Variants in THEMIS observed in about 807,000 individuals in gnomAD.
THEMIS encodes the protein protein THEMIS.
THEMIS carries 37 observed loss-of-function variants against 52.6 expected under a neutral mutation model. The observed-to-expected ratio is 0.70, with a 90% confidence interval of 0.54 to 0.93. The LOEUF is 0.93. THEMIS is among the 40% of genes least tolerant of loss of function. THEMIS has a pLI of 0.00. For missense variants in THEMIS, 808 were observed against 763.1 expected (o/e 1.06, Z -0.69); for synonymous variants, 292 against 272.7 (o/e 1.07, Z -0.70).
intron 1 of THEMIS, among the ~76,000 whole-genome samples, chr6:127,870,355 C>A (rs986392882): frequency 9.2e-5 from 14 of 152,164 alleles, no homozygotes; most frequent in African/African-American, 3.1e-4. Flanking sequence ...TAAAGTGTCA[C>A]AGAGCCTGAA....
In THEMIS at chr6:127,881,239, A is replaced by G. The variant is rs377617958; in HGVS notation, c.91+19603T>C. 5.3e-5 allele frequency among the ~76,000 whole-genome samples: 8 copies of G among 152,156 alleles called. No individual in the cohort carries two copies. In the South Asian group the frequency reaches 1.7e-3, roughly 32 times the overall value. On this transcript the variant is annotated intron_variant, in intron 1 of 5. Transcript: ENST00000368248. ...TAAGTCTTGCTTTTTATTTTTCTTT[A>G]GTGAATGTTTTAAAGTTAAATAATT...
chr6:127,868,666 T>G (rs367849154), intron 1 of THEMIS, among the ~76,000 whole-genome samples: 1 of 152,154 alleles, frequency 6.6e-6, no homozygotes, highest in East Asian at 1.9e-4. Context: ...ATATTGTGTA[T>G]AGATGTATCT....
intron 4 of THEMIS, among the ~76,000 whole-genome samples, chr6:127,753,194 C>A (rs1775707068): frequency 6.6e-6 from 1 of 151,870 alleles, no homozygotes; most frequent in Admixed American, 6.6e-5. Flanking sequence ...ATGACAAGCC[C>A]ACAGCTAACA....
intron 3 of THEMIS, among the ~76,000 whole-genome samples, chr6:127,820,771 GCTAATACATT>G (rs926206226): frequency 6.6e-6 from 1 of 151,880 alleles, no homozygotes; most frequent in African/African-American, 2.4e-5. Flanking sequence ...TCTCATGTCT[GCTAATACATT>G]AAAATGAAAG....
intron 2 of THEMIS, among the ~76,000 whole-genome samples, chr6:127,839,637 G>A (rs1778981064): frequency 6.6e-6 from 1 of 151,972 alleles, no homozygotes; most frequent in Admixed American, 6.6e-5. Context: ...CAAAGAGCTG[G>A]GATTACAGGC....
chr6:127,846,145 T>C (rs1779206933), intron 2 of THEMIS, among the ~76,000 whole-genome samples: 1 of 152,030 alleles, frequency 6.6e-6, no homozygotes, highest in African/African-American at 2.4e-5. Flanking sequence ...AAGCAGGGAC[T>C]TCTGTGGCCA....
intron 2 of THEMIS, among the ~76,000 whole-genome samples, chr6:127,843,944 G>A (rs914077524): frequency 7.2e-5 from 11 of 152,020 alleles, no homozygotes; most frequent in African/African-American, 2.4e-4. Context: ...CCCTGCCTAC[G>A]GCTTCACTGC....
chr6:127,904,673 A>T (rs535379222), upstream of THEMIS, among the ~76,000 whole-genome samples: 1 of 152,206 alleles, frequency 6.6e-6, no homozygotes, highest in African/African-American at 2.4e-5. Context: ...GAGAGAAGGG[A>T]GACCACAGAA....
chr6:127,751,782 G>A (rs1419533860), intron 4 of THEMIS, among the ~76,000 whole-genome samples: 2 of 151,534 alleles, frequency 1.3e-5, no homozygotes, highest in Admixed American at 6.6e-5. Context: ...TTCAACAATG[G>A]ATTTATTATC....
At chr6:127,893,739 C>T (rs184953206) in intron 1 of THEMIS, among the ~76,000 whole-genome samples, 1 of 152,038 alleles carries the variant, frequency 6.6e-6, no homozygotes, top group Non-Finnish European at 1.5e-5. Context: ...TTCCTTAAAC[C>T]TCCCATCCCC....
At chr6:127,697,139 G>A in the THEMIS span, among the ~76,000 whole-genome samples, 2 of 152,166 alleles carry the variant, frequency 1.3e-5, no homozygotes, top group African/African-American at 4.8e-5. Context: ...GTCCAAAACT[G>A]AGCCTCTGAG....
rs1778631823 is a variant in THEMIS at position 127,829,726 on chromosome 6, T to C, written c.459A>G (p.Ala153=). ...AGTGAGTTTGATGATTCCTTGCTAC[T>C]GCACAGCTCACCATTATTTCTCCAT... ...EIDGEIMVSC[A]VARNHQTHSF... The change falls in exon 3 of 6, where the codon GCA becomes GCG. Residue 153 remains alanine, a synonymous_variant. Coordinates refer to ENST00000368248, the MANE Select transcript of THEMIS (RefSeq NM_001010923.3). 2 of 1,614,134 alleles carry C rather than the reference T, an allele frequency of 1.2e-6. No individual in the cohort carries two copies. The highest frequency in any genetic ancestry group is 1.1e-5 in the South Asian group (1 of 91,084).
intron 4 of THEMIS, among the ~76,000 whole-genome samples, chr6:127,722,824 G>T (rs1287346256): frequency 6.6e-6 from 1 of 151,872 alleles, no homozygotes; most frequent in African/African-American, 2.4e-5. Context: ...TCATAAAAAG[G>T]CTTTGACACC....
At chr6:127,706,111 T>C (rs912734095), downstream of THEMIS, among the ~76,000 whole-genome samples, 1 of 151,824 alleles carries the variant, frequency 6.6e-6, no homozygotes, top group Admixed American at 6.6e-5. Context: ...TCATGGCACA[T>C]AAGAGTGGAA....
At position 127,875,450 on chromosome 6, in the gene THEMIS, G is replaced by A. The variant is rs1255238721; in HGVS notation, c.92-20262C>T. On this transcript the variant is annotated intron_variant, in intron 1 of 5. Transcript: ENST00000368248. ...GGAAGTCAACATAGCAGGGAGAAAGGCGAGTAGGTTTGTTGATATTGGAAA... is the reference window on the plus strand; with the variant it reads ...GGAAGTCAACATAGCAGGGAGAAAGACGAGTAGGTTTGTTGATATTGGAAA... Among the ~76,000 whole-genome samples the A allele has an allele frequency of 2.0e-5, 3 of 152,150 alleles. 1 individual carries two copies. The highest frequency in any genetic ancestry group is 6.3e-3 in the Middle Eastern group (2 of 316).
At chr6:127,742,401 C>G (rs1047563148) in intron 4 of THEMIS, among the ~76,000 whole-genome samples, 1 of 149,896 alleles carries the variant, frequency 6.7e-6, no homozygotes, top group South Asian at 2.1e-4. Flanking sequence ...GATGTAGTAA[C>G]TCTGCTTCTG....
intron 1 of THEMIS, among the ~76,000 whole-genome samples, chr6:127,866,468 C>T (rs997589949): frequency 2.0e-5 from 3 of 151,930 alleles, no homozygotes; most frequent in Admixed American, 2.0e-4. Context: ...ATTTCATTAT[C>T]ATTTACTTTG....
intron 4 of THEMIS, among the ~76,000 whole-genome samples, chr6:127,793,938 T>C (rs1777243225): frequency 6.6e-6 from 1 of 152,212 alleles, no homozygotes; most frequent in Non-Finnish European, 1.5e-5. Flanking sequence ...TTTCCCACTA[T>C]AGTTATCTAA....
At chr6:127,737,220 G>A (rs1775040746) in intron 4 of THEMIS, among the ~76,000 whole-genome samples, 1 of 152,154 alleles carries the variant, frequency 6.6e-6, no homozygotes, top group South Asian at 2.1e-4. Context: ...TTGAATATGG[G>A]AAATCTGCCA....
Sources: gnomAD v4.1 joint callset for allele counts (sites outside exome capture counted in the v4.1 genomes callset) on GRCh38, gnomAD v4.1.1 for gene constraint, MANE v1.5 for transcripts, NCBI Gene and HGNC (gene_info 2026-07-23, HGNC 2026-07-21) for gene names.